MTUS2: variants seen among roughly 807,000 people sequenced by gnomAD.
MTUS2 encodes the protein microtubule associated scaffold protein 2, also known as microtubule-associated tumor suppressor candidate 2.
A neutral mutation model predicts 114.1 loss-of-function variants in MTUS2; 40 were observed. That is an observed-to-expected ratio of 0.35 (90% confidence interval 0.27 to 0.46). The LOEUF is 0.46. MTUS2 is among the 20% of genes least tolerant of loss of function. MTUS2 has a pLI of 1.00. For synonymous variants in MTUS2, 688 were observed against 672.0 expected, an observed-to-expected ratio of 1.02 and a Z score of -0.37; for missense variants, 1,679 against 1,705.4, an observed-to-expected ratio of 0.98 and a Z score of 0.27.
intron 2 of MTUS2, among the ~76,000 whole-genome samples, chr13:29,003,420 ATAG>A (rs1311661106): frequency 1.3e-5 from 2 of 152,202 alleles, no homozygotes; most frequent in East Asian, 1.9e-4. Flanking sequence ...TTTTCAGCTT[ATAG>A]TCTTGAATTC....
At chr13:29,372,516 A>C (rs1203073828) in intron 8 of MTUS2, among the ~76,000 whole-genome samples, 1 of 152,020 alleles carries the variant, frequency 6.6e-6, no homozygotes, top group Non-Finnish European at 1.5e-5. Flanking sequence ...TCAACACTCT[A>C]CCTACACCTG....
chr13:29,441,311 G>A (rs900917365), intron 9 of MTUS2, among the ~76,000 whole-genome samples: 2 of 152,196 alleles, frequency 1.3e-5, no homozygotes, highest in African/African-American at 4.8e-5. Flanking sequence ...GGAGCCATAT[G>A]TGACCTGGCT....
intron 2 of MTUS2, among the ~76,000 whole-genome samples, chr13:28,943,806 G>A (rs747665459): frequency 6.6e-6 from 1 of 152,154 alleles, no homozygotes; most frequent in African/African-American, 2.4e-5. Context: ...AAGGCACAGT[G>A]GGCCTGGGCT....
chr13:28,938,411 T>G lies in MTUS2; in HGVS notation c.-242-86046T>G, dbSNP rs1334492082. ...AAAAAAAATAGTCTTTTTGATTTCC[T>G]AAAGAATTTGCTAAAAAAGAATATA... On this transcript the variant is annotated intron_variant, in intron 2 of 15. Transcript: ENST00000612955. 2.0e-5 allele frequency among the ~76,000 whole-genome samples: 3 copies of G among 151,966 alleles called. No individual in the cohort carries two copies. In the East Asian group the frequency reaches 5.8e-4, roughly 29 times the overall value.
chr13:28,931,257 C>T (rs1245205712), intron 2 of MTUS2, among the ~76,000 whole-genome samples: 3 of 152,070 alleles, frequency 2.0e-5, no homozygotes. Flanking sequence ...TAAAAAATAG[C>T]AATACAATGA....
intron 8 of MTUS2, among the ~76,000 whole-genome samples, chr13:29,398,917 G>C (rs1874116188): frequency 6.6e-6 from 1 of 152,098 alleles, no homozygotes; most frequent in South Asian, 2.1e-4. Context: ...AGTATTACAG[G>C]AAAGGGGTCT....
intron 5 of MTUS2, among the ~76,000 whole-genome samples, chr13:29,203,502 C>T (rs1895046934): frequency 6.6e-6 from 1 of 151,590 alleles, no homozygotes; most frequent in African/African-American, 2.4e-5. Flanking sequence ...GCTTCAGCCC[C>T]CTTTCCAGGG....
intron 6 of MTUS2, among the ~76,000 whole-genome samples, chr13:29,302,169 C>T (rs1014568442): frequency 5.3e-5 from 8 of 152,210 alleles, no homozygotes; most frequent in Non-Finnish European, 1.0e-4. Flanking sequence ...TCCAGATTCT[C>T]ACAATGGGAC....
At chr13:28,984,594 G>C (rs183000497) in intron 2 of MTUS2, among the ~76,000 whole-genome samples, 4 of 152,304 alleles carry the variant, frequency 2.6e-5, no homozygotes, top group African/African-American at 7.2e-5. Flanking sequence ...CCCCGTTCTG[G>C]CACTGACATC....
At chr13:29,332,510 C>G (rs1190619088) in intron 7 of MTUS2, among the ~76,000 whole-genome samples, 2 of 144,726 alleles carry the variant, frequency 1.4e-5, no homozygotes, top group Non-Finnish European at 3.0e-5. Flanking sequence ...AAAACAAGCT[C>G]CTGGATTCAT....
intron 5 of MTUS2, chr13:29,242,530 T>G (rs932361855): frequency 1.3e-5 from 2 of 158,738 alleles, no homozygotes; most frequent in African/African-American, 4.8e-5. Context: ...ACTGTATACC[T>G]TATTATTTTG....
chr13:29,217,306 T>A (rs1287784825), intron 5 of MTUS2, among the ~76,000 whole-genome samples: 1 of 152,220 alleles, frequency 6.6e-6, no homozygotes, highest in Non-Finnish European at 1.5e-5. Context: ...TATTGATACA[T>A]CATTTAGCTT....
intron 8 of MTUS2, among the ~76,000 whole-genome samples, chr13:29,421,239 A>T (rs1357800410): frequency 6.6e-6 from 1 of 152,128 alleles, no homozygotes; most frequent in Non-Finnish European, 1.5e-5. Flanking sequence ...GTTTGGTAAA[A>T]GCTACGCATA....
chr13:29,111,711 C>T (rs758864404), intron 5 of MTUS2, among the ~76,000 whole-genome samples: 2 of 151,858 alleles, frequency 1.3e-5, no homozygotes, highest in Non-Finnish European at 2.9e-5. Context: ...TGGGAAGGTT[C>T]GCAAAAACCC....
chr13:29,033,642 CT>C lies in MTUS2; in HGVS notation c.2206-238del, dbSNP rs559143307. Among the ~76,000 whole-genome samples, 494 of 152,128 alleles carry C rather than the reference CT, an allele frequency of 3.2e-3. 2 individuals carry two copies. The highest frequency in any genetic ancestry group is 0.011 in the African/African-American group (468 of 41,460). The stretch of plus-strand genomic sequence containing the variant: ...TTAAAAAAATCTTATCCAGTGAGTT[CT>C]TTTTAACTCCAGTGAACTATAGATT... On this transcript the variant is annotated intron_variant, in intron 3 of 15. Coordinates refer to ENST00000612955, the MANE Select transcript of MTUS2 (RefSeq NM_001033602.4).
intron 2 of MTUS2, among the ~76,000 whole-genome samples, chr13:28,883,636 G>T (rs1396637566): frequency 6.6e-6 from 1 of 152,190 alleles, no homozygotes; most frequent in Non-Finnish European, 1.5e-5. Flanking sequence ...GTTGCCAGGG[G>T]TATGGAATGG....
At chr13:29,400,355 G>A (rs1874233461) in intron 8 of MTUS2, among the ~76,000 whole-genome samples, 1 of 152,060 alleles carries the variant, frequency 6.6e-6, no homozygotes, top group Non-Finnish European at 1.5e-5. Context: ...CATGGTGGGG[G>A]GCAACAAAGA....
intron 4 of MTUS2, among the ~76,000 whole-genome samples, chr13:29,084,789 C>CG (rs1193090021): frequency 5.3e-5 from 6 of 113,186 alleles, no homozygotes; most frequent in Non-Finnish European, 7.6e-5. Flanking sequence ...CCACCCCCCC[C>CG]CCTCACCGTT....
At chr13:29,330,582 C>A (rs753644074) in intron 7 of MTUS2, among the ~76,000 whole-genome samples, 3 of 152,098 alleles carry the variant, frequency 2.0e-5, no homozygotes, top group Admixed American at 2.0e-4. Context: ...ATGTTTAAGT[C>A]TTTAATCCAT....
Sources: gnomAD v4.1 joint callset for allele counts (sites outside exome capture counted in the v4.1 genomes callset) on GRCh38, gnomAD v4.1.1 for gene constraint, MANE v1.5 for transcripts, NCBI Gene and HGNC (gene_info 2026-07-23, HGNC 2026-07-21) for gene names.